CCDC149: variants seen among roughly 807,000 people sequenced by gnomAD.
The protein encoded by CCDC149 is coiled-coil domain-containing protein 149.
CCDC149 carries 45 observed loss-of-function variants against 59.9 expected under a neutral mutation model. The observed-to-expected ratio is 0.75, with a 90% CI of 0.59 to 0.96. The LOEUF (loss-of-function observed/expected upper bound fraction) is 0.96, where lower values mean the gene tolerates loss of function less well. Among genes scored for constraint, CCDC149 ranks in the 40% least tolerant of loss-of-function variants. The pLI is 0.00. For synonymous variants in CCDC149, 245 were observed against 260.6 expected (o/e 0.94, Z 0.58); for missense variants, 584 against 664.7 (o/e 0.88, Z 1.33).
At chr4:24,861,529 A>G (rs546328679) in intron 3 of CCDC149, among the ~76,000 whole-genome samples, 1 of 152,278 alleles carries the variant, frequency 6.6e-6, no homozygotes, top group East Asian at 1.9e-4. Flanking sequence ...CATATTGGGT[A>G]CAGTGCACAC....
chr4:24,836,479 T>TGGAG lies in CCDC149; in HGVS notation c.688_691dup (p.His231ProfsTer3). 6.2e-7 allele frequency: 1 copy of TGGAG among 1,612,680 alleles called. No homozygotes were observed. The highest frequency in any genetic ancestry group is 8.5e-7 in the Non-Finnish European group (1 of 1,178,804). On this transcript the variant is annotated frameshift_variant, in exon 7 of 13. Transcript: ENST00000635206. LOFTEE classifies it high-confidence loss of function. ...TGATTTCAAGAGGTTGACCTCTTCATGGAGTTGCTTTAATCTCTCTTGAAG... is the reference window on the plus strand; with the variant it reads ...TGATTTCAAGAGGTTGACCTCTTCATGGAGGGAGTTGCTTTAATCTCTCTTGAAG...
intron 4 of CCDC149, among the ~76,000 whole-genome samples, chr4:24,850,138 T>C (rs1442323246): frequency 5.9e-5 from 9 of 152,264 alleles, no homozygotes; most frequent in South Asian, 2.1e-4. Flanking sequence ...ACTTTTTTTT[T>C]CTTTTTCTCT....
Position 24,895,214 on chromosome 4 carries a change from A to G in CCDC149, c.63+17603T>C, listed in dbSNP as rs1004004086. 3 of 627,982 alleles carry G rather than the reference A, an allele frequency of 4.8e-6. No homozygotes were observed. In the African/African-American group the frequency reaches 5.4e-5, roughly 11 times the overall value. The allele number at this position is 627,982 out of a possible 1,614,324, so 38.9% of individuals were successfully genotyped here. Reference sequence around the variant, plus strand: ...AGGCAGGAGGGATATCTTGGCTCAGAAGGGCATAGGAAGCCTTCTGGGGAG... The same window carrying G: ...AGGCAGGAGGGATATCTTGGCTCAGGAGGGCATAGGAAGCCTTCTGGGGAG... On this transcript the variant is annotated intron_variant, in intron 1 of 12. Transcript: ENST00000635206.
intron 3 of CCDC149, among the ~76,000 whole-genome samples, chr4:24,865,205 G>GA (rs1189206153): frequency 6.6e-6 from 1 of 152,140 alleles, no homozygotes; most frequent in Non-Finnish European, 1.5e-5. Context: ...TAAGGAAAAA[G>GA]AGAATGAGAA....
intron 2 of CCDC149, among the ~76,000 whole-genome samples, chr4:24,874,258 TTGTTTTG>T (rs1486757944): frequency 5.7e-5 from 3 of 52,210 alleles, no homozygotes; most frequent in Admixed American, 2.4e-4. Context: ...TTTTTTTTTT[TTGTTTTG>T]TTTTTTTTTG....
At chr4:24,934,828 A>G (rs13129510) in intron 1 of CCDC149, among the ~76,000 whole-genome samples, 10,900 of 152,324 alleles carry the variant, frequency 0.072, 401 homozygotes, top group East Asian at 0.095. Context: ...GAACAAAGAT[A>G]TGGGATGTGG....
chr4:24,863,496 T>C lies in CCDC149; in HGVS notation c.264+10185A>G, dbSNP rs116226198. The stretch of plus-strand genomic sequence containing the variant: ...AGTTGAAACTGCCTTTGCAAAATTA[T>C]GACAGTAAGAGAAATCTGACATGGC... On this transcript the variant is annotated intron_variant, in intron 3 of 12. Transcript: ENST00000635206. Among the ~76,000 whole-genome samples, 624 of 152,344 alleles carry C rather than the reference T, an allele frequency of 4.1e-3. 8 individuals carry two copies. The highest frequency in any genetic ancestry group is 0.014 in the African/African-American group (578 of 41,582).
Position 24,835,043 on chromosome 4 carries a change from A to G in CCDC149, c.736-11T>C. On this transcript the variant is annotated splice_polypyrimidine_tract_variant and intron_variant, in intron 7 of 12. Transcript: ENST00000635206. ...TCTCTCCAGAGCATTCTAAAACAGG[A>G]TTGGGAGAGAATAAAAACCCGTCAG... The G allele has an allele frequency of 6.2e-7, 1 of 1,604,524 alleles. No individual in the cohort carries two copies. The highest frequency in any genetic ancestry group is 8.5e-7 in the Non-Finnish European group (1 of 1,171,876).
chr4:24,930,584 T>G (rs1527359), intron 1 of CCDC149, among the ~76,000 whole-genome samples: 64,108 of 152,030 alleles, frequency 0.42, 15,584 homozygotes, highest in Non-Finnish European at 0.54. Flanking sequence ...AAAATTTTAA[T>G]TTTTGTTGTA....
intron 1 of CCDC149, among the ~76,000 whole-genome samples, chr4:24,931,331 A>G (rs538131163): frequency 6.8e-6 from 1 of 147,526 alleles, no homozygotes; most frequent in Non-Finnish European, 1.5e-5. Flanking sequence ...ATATATATAT[A>G]TCTCAGTACA....
intron 1 of CCDC149, among the ~76,000 whole-genome samples, chr4:24,896,711 T>G (rs1260149302): frequency 6.6e-6 from 1 of 152,190 alleles, no homozygotes; most frequent in Non-Finnish European, 1.5e-5. Flanking sequence ...AGTAAGTTCA[T>G]AAATCCCTTA....
chr4:24,917,285 C>T (rs370866946), upstream of CCDC149, among the ~76,000 whole-genome samples: 14 of 152,244 alleles, frequency 9.2e-5, no homozygotes, highest in African/African-American at 3.1e-4. Context: ...CCTCCAGCCC[C>T]GCTGGCTGCC....
At chr4:24,852,030 TA>T (rs1345383614) in intron 4 of CCDC149, among the ~76,000 whole-genome samples, 1 of 151,754 alleles carries the variant, frequency 6.6e-6, no homozygotes, top group East Asian at 1.9e-4. Flanking sequence ...AAGGAAGGCT[TA>T]CTAGATGTTT....
intron 8 of CCDC149, 130 bp downstream of exon 8, chr4:24,834,818 T>C (rs2109136177): frequency 1.8e-6 from 1 of 558,562 alleles, no homozygotes; most frequent in South Asian, 3.4e-5. Context: ...CACGTGGAAG[T>C]CGGGGAGCCA....
chr4:24,903,145 T>C (rs1030046040), intron 1 of CCDC149, among the ~76,000 whole-genome samples: 1 of 151,564 alleles, frequency 6.6e-6, no homozygotes, highest in Non-Finnish European at 1.5e-5. Context: ...TCTCCCCCTT[T>C]TTAAGAAGCC....
chr4:24,883,306 T>C (rs1719960058), intron 1 of CCDC149, among the ~76,000 whole-genome samples: 1 of 151,946 alleles, frequency 6.6e-6, no homozygotes, highest in African/African-American at 2.4e-5. Flanking sequence ...ATTTGAAAAG[T>C]CTATAGGAAT....
intron 9 of CCDC149, chr4:24,829,855 G>A (rs974483192): frequency 6.6e-6 from 1 of 152,350 alleles, no homozygotes; most frequent in Non-Finnish European, 1.5e-5. Flanking sequence ...GGTGGCTGTT[G>A]AGGAAGGAGA....
chr4:24,979,685 C>G (rs1018462652), intron 1 of CCDC149, among the ~76,000 whole-genome samples: 2 of 152,182 alleles, frequency 1.3e-5, no homozygotes, highest in Non-Finnish European at 2.9e-5. Flanking sequence ...GTCATCATTT[C>G]CTTCCTGAAA....
At chr4:24,854,772 T>C (rs1221725881) in intron 3 of CCDC149, among the ~76,000 whole-genome samples, 1 of 152,190 alleles carries the variant, frequency 6.6e-6, no homozygotes, top group Non-Finnish European at 1.5e-5. Context: ...CCCCACCTCA[T>C]GCTCACCTCC....
Sources: allele counts gnomAD v4.1 joint callset (sites outside exome capture counted in the v4.1 genomes callset), GRCh38; gene constraint gnomAD v4.1.1; transcripts MANE v1.5; gene names NCBI Gene and HGNC (gene_info 2026-07-23, HGNC 2026-07-21).